The following PCNX3 variants were observed in gnomAD, a reference collection of about 807,000 sequenced individuals.
PCNX3 encodes the protein pecanex 3.
Under a neutral mutation model 207.2 loss-of-function variants are expected in PCNX3, and 58 were observed. The observed-to-expected ratio is 0.28, with a 90% CI of 0.23 to 0.35. PCNX3 has a LOEUF of 0.35. Among genes scored for constraint, PCNX3 ranks in the 10% least tolerant of loss-of-function variants. The pLI is 1.00. For synonymous variants in PCNX3, 1,337 were observed against 1,183.5 expected, an observed-to-expected ratio of 1.13 and a Z score of -2.66; for missense variants, 2,410 against 2,774.4, an observed-to-expected ratio of 0.87 and a Z score of 2.95.
chr11:65,635,947 C>T lies in PCNX3; in HGVS notation c.5459+144C>T. On this transcript the variant is annotated intron_variant, in intron 32 of 34. Transcript: ENST00000355703. This position sits in a 1 kb window ranked among gnomAD's most constrained non-coding sequence, Gnocchi z 9.9. ...CCCTCCCAGAGCTGACCTGCCCCTC[C>T]TAGATGTCACCTTACCCCCAGAGCT... The T allele has an allele frequency of 7.7e-7, 1 of 1,294,914 alleles. No individual in the cohort carries two copies. The highest frequency in any genetic ancestry group is 1.0e-6 in the Non-Finnish European group (1 of 959,830). The allele number at this position is 1,294,914 out of a possible 1,614,324, so 80.2% of individuals were successfully genotyped here. A position where few individuals can be genotyped will look rare whatever the true frequency, so the allele number is the denominator to read the frequency against.
At chr11:65,634,748 C>T (rs1169879365) in intron 29 of PCNX3, 107 bp downstream of exon 29, 2 of 1,233,056 alleles carry the variant, frequency 1.6e-6, no homozygotes, top group East Asian at 2.6e-5. Context: ...TGCAGTGGCC[C>T]TTCCTGTTGG....
chr11:65,626,447 A>C, intron 20 of PCNX3: 1 of 400,242 alleles, frequency 2.5e-6, no homozygotes, highest in South Asian at 2.1e-5. Flanking sequence ...TGGAGCCTCT[A>C]TTTTAGCATC....
intron 27 of PCNX3, among the ~76,000 whole-genome samples, chr11:65,632,322 C>T (rs970088188): frequency 2.0e-5 from 3 of 147,316 alleles, no homozygotes; most frequent in Non-Finnish European, 4.5e-5. Context: ...CGGGGGGAGG[C>T]GGGTGTGCTG....
Position 65,619,950 on chromosome 11 carries a change from C to G in PCNX3, c.2008+18C>G. On this transcript the variant is annotated intron_variant, in intron 8 of 34. Coordinates refer to ENST00000355703, the MANE Select transcript of PCNX3 (RefSeq NM_032223.4). ...TGAGAGCGGTGAGCCTTTCCCAAGC[C>G]CGGTGGCCCAGTGCCTCCCCGCCTT... 6.3e-7 allele frequency: 1 copy of G among 1,586,150 alleles called. No individual in the cohort carries two copies. The highest frequency in any genetic ancestry group is 8.6e-7 in the Non-Finnish European group (1 of 1,162,418).
At chr11:65,617,068 C>A in intron 2 of PCNX3, 57 bp downstream of exon 2, 3 of 1,518,544 alleles carry the variant, frequency 2.0e-6, no homozygotes, top group Non-Finnish European at 2.7e-6. Flanking sequence ...TGGGCCGGAA[C>A]CTTGCAGGGT....
Position 65,618,464 on chromosome 11 carries a change from G to T in PCNX3, c.1102G>T (p.Ala368Ser). 6.2e-7 allele frequency: 1 copy of T among 1,609,464 alleles called. No homozygotes were observed. The highest frequency in any genetic ancestry group is 8.5e-7 in the Non-Finnish European group (1 of 1,178,446). The change falls in exon 6 of 35, where the codon GCA becomes TCA. Residue 368 changes from alanine (A) to serine (S), a missense_variant. This residue lies in a region of PCNX3 where 1,104 missense variants were observed against 970.3 expected (regional missense o/e 1.14). Coordinates refer to ENST00000355703, the MANE Select transcript of PCNX3 (RefSeq NM_032223.4). Reference sequence around the variant, plus strand: ...GCGTTCCTTTGACACGGTCATTGGAGCAGGGACGCCACCGGGCCTGGCTGA... The same window carrying T: ...GCGTTCCTTTGACACGGTCATTGGATCAGGGACGCCACCGGGCCTGGCTGA... The part of the protein sequence containing the change: ...TLRSFDTVIG[A>S]GTPPGLAEPL...
At chr11:65,617,089 C>T (rs1854776605) in intron 2 of PCNX3, 78 bp downstream of exon 2, 2 of 1,457,234 alleles carry the variant, frequency 1.4e-6, no homozygotes, top group Non-Finnish European at 1.9e-6. Flanking sequence ...GGAGTAGGGG[C>T]TTAGGGAACA....
intron 20 of PCNX3, chr11:65,626,269 C>G (rs1193948341): frequency 1.4e-6 from 1 of 720,978 alleles, no homozygotes; most frequent in Non-Finnish European, 2.5e-6. Flanking sequence ...CTTCCCTTGC[C>G]TGTGTTGCCC....
chr11:65,635,881 A>AATCCTC lies in PCNX3; in HGVS notation c.5459+78_5459+79insATCCTC, dbSNP rs1855812584. ...TACGTCCCTCCTGGGTCTCAGAGGG[A>AATCCTC]GGACGTGCTGGAGCCAGGGCTTGAA... On this transcript the variant is annotated intron_variant, in intron 32 of 34. Coordinates refer to ENST00000355703, the MANE Select transcript of PCNX3 (RefSeq NM_032223.4). The surrounding 1 kb of genome is among the most constrained non-coding windows in gnomAD (Gnocchi z 9.9). 6.7e-7 allele frequency: 1 copy of AATCCTC among 1,487,830 alleles called. No individual in the cohort carries two copies. Among genetic ancestry groups the AATCCTC allele is most frequent in the Admixed American group, 2.2e-5 (1 of 45,210 alleles). The allele number at this position is 1,487,830 out of a possible 1,614,324, so 92.2% of individuals were successfully genotyped here.
chr11:65,631,502 CA>C (rs1855614375), intron 27 of PCNX3, among the ~76,000 whole-genome samples: 1 of 152,098 alleles, frequency 6.6e-6, no homozygotes, highest in Non-Finnish European at 1.5e-5. Flanking sequence ...ACTAAAAATA[CA>C]AAATAATTAG....
Position 65,625,663 on chromosome 11 carries a change from G to A in PCNX3, c.3147G>A (p.Leu1049=). Residue 1049 remains leucine, a synonymous_variant, in exon 19 of 35, where the codon TTG becomes TTA. Transcript: ENST00000355703. The surrounding 1 kb of genome is among the most constrained non-coding windows in gnomAD (Gnocchi z 5.6). ...TCCTGGCCCTGCAGCGTGAGGTCTT[G>A]CACTCCGACCTGGTGATGTGTGTGG... ...DKMRQSVREV[L]HSDLVMCVVI... The A allele has an allele frequency of 6.2e-7, 1 of 1,613,074 alleles. No individual in the cohort carries two copies. The highest frequency in any genetic ancestry group is 8.5e-7 in the Non-Finnish European group (1 of 1,179,758).
chr11:65,616,515 TGGCAGGGATTCAG>T, intron 1 of PCNX3, 51 bp downstream of exon 1: 9 of 1,553,214 alleles, frequency 5.8e-6, no homozygotes, highest in Non-Finnish European at 7.8e-6. Flanking sequence ...GAGGGCAGCC[TGGCAGGGATTCAG>T]GGCAGTGCCC....
rs775545212 is a variant in PCNX3 at position 65,623,583 on chromosome 11, C to G, written c.2450C>G (p.Thr817Ser). 5.6e-6 allele frequency: 9 copies of G among 1,613,908 alleles called. No individual in the cohort carries two copies. Among genetic ancestry groups the G allele is most frequent in the Non-Finnish European group, 6.8e-6 (8 of 1,179,882 alleles). ...GYLLLLKGFFTDIWVFQFCLV... is the reference protein window; with the variant it reads ...GYLLLLKGFFSDIWVFQFCLV... ...CTGCTGCTGCTCAAGGGCTTCTTCA[C>G]TGACATCTGGGTCTTCCAGTTCTGC... Residue 817 changes from threonine to serine, a missense_variant, in exon 12 of 35, where the codon ACT becomes AGT. Thr to Ser is a moderately conservative substitution (Grantham distance 58). Coordinates refer to ENST00000355703, the MANE Select transcript of PCNX3 (RefSeq NM_032223.4).
chr11:65,619,860 G>T lies in PCNX3; in HGVS notation c.1936G>T (p.Ala646Ser). The change falls in exon 8 of 35, where the codon GCC (alanine) becomes TCC (serine). Residue 646 changes from alanine to serine, a missense_variant. By Grantham distance (99) the Ala-to-Ser change is moderately conservative. Around this residue, in one of 8 missense-constraint regions of PCNX3, gnomAD observed 1,104 missense variants for 970.3 expected, o/e 1.14. Coordinates refer to ENST00000355703, the MANE Select transcript of PCNX3 (RefSeq NM_032223.4). Reference sequence around the variant, plus strand: ...TTCACTGTTGCTCACCCGGGCCGGTGCCAATGTGCATGAGGCCTGCACCTT... The same window carrying T: ...TTCACTGTTGCTCACCCGGGCCGGTTCCAATGTGCATGAGGCCTGCACCTT... ...ASSLLLTRAGANVHEACTFDD... is the reference protein window; with the variant it reads ...ASSLLLTRAGSNVHEACTFDD... 1.2e-6 allele frequency: 2 copies of T among 1,610,742 alleles called. No individual in the cohort carries two copies. Among genetic ancestry groups the T allele is most frequent in the Non-Finnish European group, 8.5e-7 (1 of 1,179,596 alleles).
chr11:65,627,078 A>G, intron 21 of PCNX3, 30 bp downstream of exon 21: 3 of 1,464,748 alleles, frequency 2.0e-6, no homozygotes, highest in Non-Finnish European at 2.7e-6. Context: ...CAACGATCCC[A>G]TCATCCGCTT....
chr11:65,623,971 C>T lies in PCNX3; in HGVS notation c.2544+10C>T. The T allele has an allele frequency of 6.2e-7, 1 of 1,611,078 alleles. No homozygotes were observed. Among genetic ancestry groups the T allele is most frequent in the African/African-American group, 1.3e-5 (1 of 75,052 alleles). On this transcript the variant is annotated intron_variant, in intron 13 of 34. Transcript: ENST00000355703. ...GGCGTCCCCCATGCACGTGAGTACC[C>T]ATGGAGCAGCGCCTCTGGCCAGGAG... is the stretch of plus-strand genomic sequence containing the variant.
chr11:65,626,112 G>T, intron 20 of PCNX3, 58 bp downstream of exon 20: 1 of 1,545,254 alleles, frequency 6.5e-7, no homozygotes, highest in Non-Finnish European at 8.7e-7. Context: ...CAGCCTGGCT[G>T]GTGGGAGCTG....
rs1590909298 is a variant in PCNX3 at position 65,635,886 on chromosome 11, G to A, written c.5459+83G>A. ...CCCTCCTGGGTCTCAGAGGGAGGAC[G>A]TGCTGGAGCCAGGGCTTGAATCCCG... On this transcript the variant is annotated intron_variant, in intron 32 of 34. Transcript: ENST00000355703. The surrounding 1 kb of genome is among the most constrained non-coding windows in gnomAD (Gnocchi z 9.9). 4.1e-6 allele frequency: 6 copies of A among 1,475,476 alleles called. No homozygotes were observed. The highest frequency in any genetic ancestry group is 2.8e-5 in the African/African-American group (2 of 71,710). The allele number at this position is 1,475,476 out of a possible 1,614,324, so 91.4% of individuals were successfully genotyped here.
intron 20 of PCNX3, 74 bp downstream of exon 20, chr11:65,626,128 C>A (rs758813410): frequency 6.5e-7 from 1 of 1,534,412 alleles, no homozygotes; most frequent in African/African-American, 1.4e-5. Flanking sequence ...AGCTGTGGTC[C>A]TCTCGGCTCA....
Sources: allele counts gnomAD v4.1 joint callset (sites outside exome capture counted in the v4.1 genomes callset), GRCh38; gene constraint gnomAD v4.1.1; regional missense constraint gnomAD v4.1.1; non-coding constraint Gnocchi (gnomAD v3.1); transcripts MANE v1.5; gene names NCBI Gene and HGNC (gene_info 2026-07-23, HGNC 2026-07-21).